The following TTN variants were observed in gnomAD, a reference collection of about 807,000 sequenced individuals.
TTN encodes connectin.
TTN carries 1,525 observed loss-of-function variants against 3,223.0 expected under a neutral mutation model. The ratio of observed to expected loss-of-function variants is 0.47; its 90% confidence interval spans 0.45 to 0.49. TTN has a LOEUF of 0.49. TTN is among the 20% of genes least tolerant of loss of function. TTN has a pLI of 0.00. For synonymous variants in TTN, 14,094 were observed against 15,161.0 expected (o/e 0.93, Z 5.17); for missense variants, 40,786 against 43,424.0 (o/e 0.94, Z 5.40).
chr2:178,789,296 C>A, intron 13 of TTN, 64 bp downstream of exon 13: 1 of 1,597,352 alleles, frequency 6.3e-7, no homozygotes, highest in Non-Finnish European at 8.6e-7. Flanking sequence ...TAAGGAATTT[C>A]ACATGATATG....
chr2:178,764,868 T>G (rs1574487694), intron 41 of TTN, 57 bp from the exon 42 acceptor site: 1 of 1,597,072 alleles, frequency 6.3e-7, no homozygotes. Context: ...CAAGAGAGCA[T>G]GCAAAACTCT....
chr2:178,563,469 G>C lies in TTN; in HGVS notation c.82663C>G (p.Pro27555Ala). Residue 27555 changes from proline to alanine, a missense_variant, in exon 326 of 363, where the codon CCT (proline) becomes GCT (alanine). Transcript: ENST00000589042. This position sits in a 1 kb window ranked among gnomAD's most constrained non-coding sequence, Gnocchi z 4.5. Reference sequence around the variant, plus strand: ...CGGTAGAAAACAGATGGCTCACTAGGTTCTCCCACACCAGCTGCATTTTCA... The same window carrying C: ...CGGTAGAAAACAGATGGCTCACTAGCTTCTCCCACACCAGCTGCATTTTCA... ...AAENAAGVGE[P>A]SEPSVFYRAC... 6.2e-7 allele frequency: 1 copy of C among 1,613,604 alleles called. No homozygotes were observed. Among genetic ancestry groups the C allele is most frequent in the African/African-American group, 1.3e-5 (1 of 74,990 alleles).
Position 178,774,078 on chromosome 2 carries a change from C to T in TTN, c.7090G>A (p.Asp2364Asn). 6.2e-7 allele frequency: 1 copy of T among 1,613,974 alleles called. No homozygotes were observed. Among genetic ancestry groups the T allele is most frequent in the South Asian group, 1.1e-5 (1 of 91,058 alleles). Residue 2364 changes from aspartate (D) to asparagine (N), a missense_variant, in exon 31 of 363, where the codon GAC becomes AAC. Transcript: ENST00000589042. Reference sequence around the variant, plus strand: ...ATGTCACCCTCACAGACTTTTTGGTCACTAAGTCCTTGTAGGATAGCAATG... The same window carrying T: ...ATGTCACCCTCACAGACTTTTTGGTTACTAAGTCCTTGTAGGATAGCAATG... ...RPIAILQGLS[D>N]QKVCEGDIVQ...
At position 178,603,932 on chromosome 2, in the gene TTN, G is replaced by A. The variant is rs551602191; in HGVS notation, c.54755C>T (p.Ala18252Val). Residue 18252 changes from alanine to valine, a missense_variant, in exon 282 of 363, where the codon GCA becomes GTA. Ala to Val is a moderately conservative substitution (Grantham distance 64). Coordinates refer to ENST00000589042, the MANE Select transcript of TTN (RefSeq NM_001267550.2). ...YQFRAMAINA[A>V]GIGPPSEPSD... ...TGGTTCACTGGGAGGACCAATTCCT[G>A]CAGCATTTATTGCCATGGCTCTGAA... The A allele has an allele frequency of 6.2e-6, 10 of 1,612,106 alleles. No homozygotes were observed. The highest frequency in any genetic ancestry group is 7.6e-6 in the Non-Finnish European group (9 of 1,178,792).
At chr2:178,767,961 T>C in intron 39 of TTN, 37 bp from the exon 40 acceptor site, 1 of 1,614,108 alleles carries the variant, frequency 6.2e-7, no homozygotes, top group Non-Finnish European at 8.5e-7. Context: ...TACCGTATGG[T>C]GATTCAGAGG....
chr2:178,707,881 C>T (rs2076109756), intron 99 of TTN, 68 bp from the exon 100 acceptor site: 2 of 1,500,460 alleles, frequency 1.3e-6, no homozygotes, highest in African/African-American at 1.4e-5. Context: ...ACAAGAGAAA[C>T]AAATAAAGAG....
chr2:178,595,433 A>AT, intron 295 of TTN, 74 bp downstream of exon 295: 6 of 1,403,006 alleles, frequency 4.3e-6, no homozygotes, highest in Non-Finnish European at 5.8e-6. Context: ...ATTTATACAC[A>AT]TATTTTTTCA....
intron 125 of TTN, 124 bp downstream of exon 125, chr2:178,688,929 T>A: frequency 8.3e-7 from 1 of 1,208,226 alleles, no homozygotes. Context: ...CACAAAAGTT[T>A]CACTGCAAGT....
In TTN at chr2:178,547,531, G is replaced by A; in HGVS notation, c.94095C>T (p.Arg31365=). ...AWQLVNSSVK[R]TQIKVTHLTK... ...TGAGATGAGTGACTTTAATTTGAGTGCGCTTGACACTGGAATTGACAAGCT... is the reference window on the plus strand; with the variant it reads ...TGAGATGAGTGACTTTAATTTGAGTACGCTTGACACTGGAATTGACAAGCT... The change falls in exon 339 of 363, where the codon CGC becomes CGT. Residue 31365 remains arginine, a synonymous_variant. Coordinates refer to ENST00000589042, the MANE Select transcript of TTN (RefSeq NM_001267550.2). The A allele has an allele frequency of 6.2e-7, 1 of 1,613,706 alleles. No homozygotes were observed. The highest frequency in any genetic ancestry group is 8.5e-7 in the Non-Finnish European group (1 of 1,179,782).
In TTN at chr2:178,549,842, A is replaced by G. The variant is rs747482573; in HGVS notation, c.91880T>C (p.Ile30627Thr). ...QDTPGKVVGP[I>T]RFTNITGEKM... ...CTCCCCAGTAATATTGGTGAATCTT[A>G]TTGGCCCAACTACTTTTCCTGGTGT... The change falls in exon 338 of 363, where the codon ATA (isoleucine) becomes ACA (threonine). Residue 30627 changes from isoleucine (I) to threonine (T), a missense_variant. By Grantham distance (89) the Ile-to-Thr change is moderately conservative (BLOSUM62 -1). Transcript: ENST00000589042. 1.3e-6 allele frequency: 2 copies of G among 1,583,442 alleles called. No homozygotes were observed. The highest frequency in any genetic ancestry group is 2.2e-5 in the East Asian group (1 of 44,480).
intron 47 of TTN, chr2:178,746,078 C>A: frequency 1.9e-6 from 3 of 1,613,386 alleles, no homozygotes; most frequent in Non-Finnish European, 2.5e-6. Context: ...ACAGACATTT[C>A]GAATTTTAAG....
Position 178,585,105 on chromosome 2 carries a change from T to G in TTN, c.64639A>C (p.Thr21547Pro), listed in dbSNP as rs1357789824. ...ACAACTTTGATTTTCTGAGTGTCTG[T>G]CCCAGAACTGTTCTCTGCTGTGAGG... ...YSLTAENSSG[T>P]DTQKIKVVVM... The change falls in exon 309 of 363, where the codon ACA (threonine) becomes CCA (proline). Residue 21547 changes from threonine (T) to proline (P), a missense_variant. By Grantham distance (38) the Thr-to-Pro change is conservative. Coordinates refer to ENST00000589042, the MANE Select transcript of TTN (RefSeq NM_001267550.2). The G allele has an allele frequency of 1.9e-6, 3 of 1,611,866 alleles. No individual in the cohort carries two copies. In the East Asian group the frequency reaches 6.7e-5, roughly 36 times the overall value.
Position 178,636,440 on chromosome 2 carries a change from C to T in TTN, c.41287G>A (p.Gly13763Arg), listed in dbSNP as rs768683479. ...AGEYTCVLRL[G>R]NKEKTSTAKL... The stretch of plus-strand genomic sequence containing the variant: ...GCCGTGGAGGTCTTTTCTTTGTTTC[C>T]CAAACGTAAAACACAGGTGTATTCA... Residue 13763 changes from glycine to arginine, a missense_variant, in exon 225 of 363, where the codon GGA (glycine) becomes AGA (arginine). Coordinates refer to ENST00000589042, the MANE Select transcript of TTN (RefSeq NM_001267550.2). The surrounding 1 kb of genome is among the most constrained non-coding windows in gnomAD (Gnocchi z 4.3). 1.9e-6 allele frequency: 3 copies of T among 1,611,426 alleles called. No homozygotes were observed. Among genetic ancestry groups the T allele is most frequent in the Non-Finnish European group, 2.5e-6 (3 of 1,178,608 alleles).
rs777547090 is a variant in TTN, at chr2:178,739,893, G to A, written c.13340C>T (p.Ser4447Leu). The A allele has an allele frequency of 1.9e-5, 30 of 1,613,678 alleles. No homozygotes were observed. In the African/African-American group the frequency reaches 2.5e-4, roughly 14 times the overall value. Residue 4447 changes from serine (S) to leucine (L), a missense_variant, in exon 48 of 363, where the codon TCG becomes TTG. Transcript: ENST00000589042. ...TACTTCTTCTGTTACAGACTTTGCC[G>A]AAGTAACAAGGTACATGCACATGAT... is the stretch of plus-strand genomic sequence containing the variant. ...RHIMCMYLVT[S>L]AKSVTEEVTI... is the part of the protein sequence containing the mutation.
chr2:178,790,634 C>A (rs2093435669), intron 11 of TTN, 74 bp downstream of exon 11: 1 of 1,608,950 alleles, frequency 6.2e-7, no homozygotes, highest in African/African-American at 1.3e-5. Flanking sequence ...TGATTAAGAT[C>A]CATGATGAAA....
rs1171944721 is a variant in TTN, at chr2:178,612,534, G to A, written c.49991C>T (p.Thr16664Ile). 3.1e-6 allele frequency: 5 copies of A among 1,611,612 alleles called. No homozygotes were observed. Among genetic ancestry groups the A allele is most frequent in the Middle Eastern group, 1.7e-4 (1 of 6,046 alleles). The stretch of plus-strand genomic sequence containing the variant: ...CCATTTTAGGTCTGCTGTATTTTTT[G>A]TGATATTAATAACTTCAAGCCAGCG... ...PPRWLEVINI[T>I]KNTADLKWTV... Residue 16664 changes from threonine (T) to isoleucine (I), a missense_variant, in exon 266 of 363, where the codon ACA (threonine) becomes ATA (isoleucine). By Grantham distance (89) the Thr-to-Ile change is moderately conservative (BLOSUM62 -1). Transcript: ENST00000589042.
intron 354 of TTN, 73 bp from the exon 355 acceptor site, chr2:178,537,990 G>GACA: frequency 7.6e-7 from 1 of 1,312,606 alleles, no homozygotes; most frequent in Non-Finnish European, 1.0e-6. Context: ...TGTATATCAG[G>GACA]AATGAATTTA....
Position 178,535,016 on chromosome 2 carries a change from G to T in TTN, c.101599C>A (p.Leu33867Met). Residue 33867 changes from leucine (L) to methionine (M), a missense_variant, in exon 358 of 363, where the codon CTG becomes ATG. Transcript: ENST00000589042. ...ATGTTTCTATGCCTAGCAATATTCAGAATGGAAATTTCCTTCTTTACCAAA... is the reference window on the plus strand; with the variant it reads ...ATGTTTCTATGCCTAGCAATATTCATAATGGAAATTTCCTTCTTTACCAAA... ...QVLVKKEISI[L>M]NIARHRNILH... 1.2e-6 allele frequency: 2 copies of T among 1,613,796 alleles called. No individual in the cohort carries two copies. Among genetic ancestry groups the T allele is most frequent in the Non-Finnish European group, 1.7e-6 (2 of 1,179,838 alleles).
chr2:178,533,262 T>C lies in TTN; in HGVS notation c.103353A>G (p.Leu34451=), dbSNP rs2154135000. The part of the protein sequence containing the change: ...TAGSTSCQAH[L]QVERLRYKKQ... ...TCTTGTACCTCAGGCGTTCCACTTG[T>C]AGGTGAGCCTGGCAGCTGGTGGACC... Residue 34451 remains leucine (L), a synonymous_variant, in exon 358 of 363, where the codon CTA becomes CTG. Transcript: ENST00000589042. 1.2e-6 allele frequency: 2 copies of C among 1,613,982 alleles called. No individual in the cohort carries two copies. Among genetic ancestry groups the C allele is most frequent in the East Asian group, 2.2e-5 (1 of 44,874 alleles).
Sources: gnomAD v4.1 joint callset for allele counts on GRCh38, gnomAD v4.1.1 for gene constraint, Gnocchi (gnomAD v3.1) non-coding constraint, MANE v1.5 for transcripts, NCBI Gene and HGNC (gene_info 2026-07-23, HGNC 2026-07-21) for gene names.